Variants in HTR4 observed in about 807,000 individuals in gnomAD.
HTR4 encodes 5-hydroxytryptamine receptor 4.
HTR4 carries 16 observed loss-of-function variants against 36.8 expected under a neutral mutation model. That is an observed-to-expected ratio of 0.43 (90% CI 0.29 to 0.66). The LOEUF (loss-of-function observed/expected upper bound fraction) is 0.66. Ranked by LOEUF, HTR4 falls within the 30% of genes least tolerant of loss-of-function variation. The pLI is 0.13. For synonymous variants in HTR4, 189 were observed against 185.1 expected (o/e 1.02, Z -0.17); for missense variants, 438 against 490.9 (o/e 0.89, Z 1.02).
chr5:148,634,266 T>C (rs1254340026), intron 2 of HTR4, among the ~76,000 whole-genome samples: 1 of 152,158 alleles, frequency 6.6e-6, no homozygotes, highest in African/African-American at 2.4e-5. Context: ...TCCTTTTGGG[T>C]GTCCATTCTC....
intron 1 of HTR4, among the ~76,000 whole-genome samples, chr5:148,651,917 C>G (rs1042741524): frequency 6.6e-6 from 1 of 151,976 alleles, no homozygotes; most frequent in Non-Finnish European, 1.5e-5. Flanking sequence ...ATTGAAAGAA[C>G]CCTTGGAAAT....
intron 4 of HTR4, among the ~76,000 whole-genome samples, chr5:148,542,423 G>A (rs1267233921): frequency 6.6e-6 from 1 of 152,202 alleles, no homozygotes; most frequent in Admixed American, 6.5e-5. Context: ...TCCAGCACAA[G>A]ATTAAACATG....
intron 4 of HTR4, among the ~76,000 whole-genome samples, chr5:148,536,548 T>C (rs1008292012): frequency 6.6e-6 from 1 of 151,928 alleles, no homozygotes. Context: ...TGGAGGAAAG[T>C]CTACCAAGCA....
intron 5 of HTR4, among the ~76,000 whole-genome samples, chr5:148,458,114 GATCTT>G (rs1755166585): frequency 2.2e-5 from 1 of 46,312 alleles, no homozygotes; most frequent in South Asian, 8.3e-4. Context: ...CTATTAAATA[GATCTT>G]AAAATATAAT....
At chr5:148,484,491 T>C (rs1317862319) in intron 6 of HTR4, 1 of 1,015,268 alleles carries the variant, frequency 9.8e-7, no homozygotes, top group Non-Finnish European at 1.4e-6. Flanking sequence ...TCTTGAAAAA[T>C]TGGGGCAATA....
chr5:148,478,486 G>A (rs951089044), downstream of HTR4, among the ~76,000 whole-genome samples: 3 of 152,160 alleles, frequency 2.0e-5, no homozygotes, highest in Non-Finnish European at 2.9e-5. Context: ...ACGGGGAGGT[G>A]TGATTCTGAG....
intron 1 of HTR4, among the ~76,000 whole-genome samples, chr5:148,646,955 C>G (rs1004971795): frequency 6.6e-6 from 1 of 152,206 alleles, no homozygotes; most frequent in Non-Finnish European, 1.5e-5. Flanking sequence ...CTCAGCTCTC[C>G]CAGCTTAATT....
intron 5 of HTR4, among the ~76,000 whole-genome samples, chr5:148,467,559 G>C (rs1249392085): frequency 6.6e-6 from 1 of 152,108 alleles, no homozygotes; most frequent in Non-Finnish European, 1.5e-5. Flanking sequence ...ACCACAACAT[G>C]CTTAAAAATG....
chr5:148,552,490 C>T (rs553650887), intron 2 of HTR4, among the ~76,000 whole-genome samples: 47 of 152,310 alleles, frequency 3.1e-4, no homozygotes, highest in African/African-American at 9.4e-4. Flanking sequence ...GTTCTCTTCC[C>T]TGTCCTTCTT....
At chr5:148,590,618 CT>C (rs561650220) in intron 2 of HTR4, among the ~76,000 whole-genome samples, 13 of 152,052 alleles carry the variant, frequency 8.5e-5, no homozygotes, top group Middle Eastern at 3.4e-3. Context: ...GTTTAATTTC[CT>C]TTTTCCTAAA....
intron 2 of HTR4, among the ~76,000 whole-genome samples, chr5:148,631,931 C>G (rs948560359): frequency 6.6e-6 from 1 of 151,986 alleles, no homozygotes; most frequent in Non-Finnish European, 1.5e-5. Flanking sequence ...TTGGTATTTA[C>G]TCAGATTTTC....
At chr5:148,504,772 G>T (rs1581393371) in intron 6 of HTR4, among the ~76,000 whole-genome samples, 1 of 152,074 alleles carries the variant, frequency 6.6e-6, no homozygotes, top group South Asian at 2.1e-4. Flanking sequence ...AGAAAAGAGA[G>T]AAGAATCAAA....
In HTR4 at chr5:148,550,300, C is replaced by T. The variant is rs199655475; in HGVS notation, c.27-38G>A. 1.2e-5 allele frequency: 19 copies of T among 1,608,046 alleles called. No homozygotes were observed. In the African/African-American group the frequency reaches 2.0e-4, roughly 17 times the overall value. ...CACAAGCACAAAGAATTGAATGAAA[C>T]TCTGGGACACAAGAAGGAAAATTCG... On this transcript the variant is annotated intron_variant, in intron 2 of 6. Coordinates refer to ENST00000377888, the MANE Select transcript of HTR4 (RefSeq NM_000870.7).
chr5:148,482,586 G>C lies in HTR4; in HGVS notation c.*617C>G, dbSNP rs55969025. ...CATTGGACATAAGGAAGAGCAAGTG[G>C]ACGTCTGGGACTGACAAGGGGGCCA... On this transcript the variant is annotated 3_prime_UTR_variant, in exon 7 of 7. Transcript: ENST00000377888. The C allele has an allele frequency of 0.016, 15,722 of 986,672 alleles. 161 individuals carry two copies. The highest frequency in any genetic ancestry group is 0.026 in the Middle Eastern group (49 of 1,916). 61.1% of individuals were successfully genotyped at this position (986,672 alleles called of 1,614,324 possible). A position where few individuals can be genotyped will look rare whatever the true frequency, so the allele number is the denominator to read the frequency against.
At chr5:148,645,171 T>C (rs1450915302) in intron 1 of HTR4, 7 of 152,136 alleles carry the variant, frequency 4.6e-5, no homozygotes. Context: ...TGGCTGAAGT[T>C]TGAGAAATGC....
chr5:148,464,181 TG>T, intron 5 of HTR4, among the ~76,000 whole-genome samples: 1 of 152,214 alleles, frequency 6.6e-6, no homozygotes, highest in East Asian at 1.9e-4. Context: ...ACTGTTGGTT[TG>T]GTGACAACTT....
intron 2 of HTR4, among the ~76,000 whole-genome samples, chr5:148,571,783 CA>C (rs1430588846): frequency 6.6e-6 from 1 of 152,036 alleles, no homozygotes; most frequent in Admixed American, 6.6e-5. Context: ...GAGAGCAGCA[CA>C]GGGGCAGAGG....
chr5:148,549,261 G>A (rs1193688710), intron 3 of HTR4, among the ~76,000 whole-genome samples: 1 of 152,100 alleles, frequency 6.6e-6, no homozygotes, highest in Non-Finnish European at 1.5e-5. Context: ...TCAGTCCTTG[G>A]TCGGGCATTC....
intron 3 of HTR4, 75 bp downstream of exon 3, chr5:148,550,062 A>G: frequency 1.4e-6 from 2 of 1,449,728 alleles, no homozygotes; most frequent in Non-Finnish European, 1.9e-6. Flanking sequence ...TTCTAATAGA[A>G]ATGTTCACAC....
Sources: allele counts gnomAD v4.1 joint callset (sites outside exome capture counted in the v4.1 genomes callset), GRCh38; gene constraint gnomAD v4.1.1; transcripts MANE v1.5; gene names NCBI Gene and HGNC (gene_info 2026-07-23, HGNC 2026-07-21).